The following CHRDL2 variants were observed in gnomAD, a reference collection of about 807,000 sequenced individuals.
The protein encoded by CHRDL2 is chordin-like protein 2.
CHRDL2 carries 41 observed loss-of-function variants against 54.3 expected under a neutral mutation model. That is an observed-to-expected ratio of 0.76 (90% confidence interval 0.59 to 0.98). The LOEUF is 0.98. CHRDL2 is among the 50% of genes least tolerant of loss of function. CHRDL2 has a pLI of 0.00. For missense variants in CHRDL2, 518 were observed against 562.4 expected (o/e 0.92, Z 0.80); for synonymous variants, 220 against 224.3 (o/e 0.98, Z 0.17).
rs913683733 is a variant in CHRDL2, at chr11:74,706,411, G to C, written c.582+76C>G. The C allele has an allele frequency of 4.9e-6, 7 of 1,421,654 alleles. No homozygotes were observed. The African/African-American group carries it at 7.1e-5, about 14-fold the overall frequency. The allele number at this position is 1,421,654 out of a possible 1,614,324, so 88.1% of individuals were successfully genotyped here. On this transcript the variant is annotated intron_variant, in intron 6 of 10. Transcript: ENST00000376332. Reference sequence around the variant, plus strand: ...ATGAGGACAATAACTGGTATTGCCTGCCCCAGAGTCACGAGATTTAGGCCC... The same window carrying C: ...ATGAGGACAATAACTGGTATTGCCTCCCCCAGAGTCACGAGATTTAGGCCC...
chr11:74,711,446 T>C (rs1020493383), intron 3 of CHRDL2, among the ~76,000 whole-genome samples: 9 of 152,174 alleles, frequency 5.9e-5, no homozygotes, highest in East Asian at 1.9e-4. Flanking sequence ...GCTGGCATGA[T>C]TGTCCCTGTG....
At chr11:74,702,085 C>T (rs947809959) in intron 9 of CHRDL2, among the ~76,000 whole-genome samples, 2 of 151,868 alleles carry the variant, frequency 1.3e-5, no homozygotes, top group Admixed American at 1.3e-4. Context: ...AAAACCCCAT[C>T]TCTACAAAAA....
intron 1 of CHRDL2, among the ~76,000 whole-genome samples, chr11:74,724,996 ATTC>A (rs1044703285): frequency 6.7e-6 from 1 of 149,708 alleles, no homozygotes; most frequent in African/African-American, 2.5e-5. Context: ...AGCTTCTTTC[ATTC>A]TTTTTTTTTT....
At position 74,730,817 on chromosome 11, in the gene CHRDL2, G is replaced by A. The variant is rs780739395; in HGVS notation, c.72C>T (p.His24=). ...LALLWFPLDS[H]ARARPDMFCL... ...TCCCGGTCTACTTACGGGCTCGAGC[G>A]TGGGAGTCCAGGGGGAACCAGAGCA... Residue 24 remains histidine, a synonymous_variant, in exon 1 of 11, where the codon CAC becomes CAT. Coordinates refer to ENST00000376332, the MANE Select transcript of CHRDL2 (RefSeq NM_001278473.3). 1.9e-6 allele frequency: 3 copies of A among 1,611,624 alleles called. No individual in the cohort carries two copies. Among genetic ancestry groups the A allele is most frequent in the Non-Finnish European group, 2.5e-6 (3 of 1,179,276 alleles).
At chr11:74,703,090 C>T in intron 8 of CHRDL2, 123 bp from the exon 9 acceptor site, 4 of 1,101,222 alleles carry the variant, frequency 3.6e-6, no homozygotes, top group South Asian at 3.1e-5. Flanking sequence ...ATGTTAACAA[C>T]CTCTGAATCT....
chr11:74,710,044 G>A (rs2034134877), intron 4 of CHRDL2, among the ~76,000 whole-genome samples: 1 of 151,946 alleles, frequency 6.6e-6, no homozygotes, highest in Non-Finnish European at 1.5e-5. Context: ...GTGAAACCCC[G>A]ACTCTACTAA....
chr11:74,709,912 C>G (rs2034130151), intron 4 of CHRDL2, among the ~76,000 whole-genome samples: 1 of 152,100 alleles, frequency 6.6e-6, no homozygotes, highest in African/African-American at 2.4e-5. Context: ...GTTGCCAAGC[C>G]CAGGGTTAAA....
intron 9 of CHRDL2, among the ~76,000 whole-genome samples, chr11:74,700,622 T>TA (rs374549879): frequency 0.11 from 15,977 of 139,962 alleles, 1,109 homozygotes; most frequent in Middle Eastern, 0.2. Flanking sequence ...GAATCTTTTT[T>TA]TTATTATTAT....
At chr11:74,728,560 G>A (rs2034606055) in intron 1 of CHRDL2, among the ~76,000 whole-genome samples, 2 of 135,124 alleles carry the variant, frequency 1.5e-5, no homozygotes, top group Non-Finnish European at 3.3e-5. Flanking sequence ...TTTTTTAAGA[G>A]ATGAGGTCTC....
chr11:74,703,290 A>G lies in CHRDL2; in HGVS notation c.946+15T>C. ...TCTGGCCAGCGCCCTCCTTGCTCCCAGTGCCCCTGTGTACCTGGGCAAATC... is the reference window on the plus strand; with the variant it reads ...TCTGGCCAGCGCCCTCCTTGCTCCCGGTGCCCCTGTGTACCTGGGCAAATC... On this transcript the variant is annotated intron_variant, in intron 8 of 10. Transcript: ENST00000376332. The G allele has an allele frequency of 6.3e-7, 1 of 1,579,936 alleles. No individual in the cohort carries two copies. The highest frequency in any genetic ancestry group is 8.6e-7 in the Non-Finnish European group (1 of 1,160,246).
intron 1 of CHRDL2, among the ~76,000 whole-genome samples, chr11:74,726,883 GGGATGCGACTAAGCT>G (rs1232886622): frequency 6.6e-6 from 1 of 152,198 alleles, no homozygotes; most frequent in African/African-American, 2.4e-5. Flanking sequence ...CAGGTAGATG[GGGATGCGACTAAGCT>G]GGACAGACAA....
intron 1 of CHRDL2, among the ~76,000 whole-genome samples, chr11:74,727,472 A>G (rs1296992525): frequency 6.6e-6 from 1 of 152,166 alleles, no homozygotes; most frequent in Admixed American, 6.6e-5. Flanking sequence ...TGGTGCAATC[A>G]CAGCTCACTG....
At chr11:74,722,105 G>GT (rs1230520580) in intron 1 of CHRDL2, among the ~76,000 whole-genome samples, 2 of 152,154 alleles carry the variant, frequency 1.3e-5, no homozygotes, top group African/African-American at 4.8e-5. Context: ...AGTAGGACCA[G>GT]TCCTGAGTGA....
intron 6 of CHRDL2, among the ~76,000 whole-genome samples, chr11:74,705,148 G>T (rs2033967743): frequency 6.6e-6 from 1 of 152,158 alleles, no homozygotes; most frequent in Non-Finnish European, 1.5e-5. Flanking sequence ...CCAAGAGCAG[G>T]CCCCATCCAG....
At chr11:74,714,412 T>C (rs1161653078) in intron 2 of CHRDL2, among the ~76,000 whole-genome samples, 1 of 152,228 alleles carries the variant, frequency 6.6e-6, no homozygotes, top group Non-Finnish European at 1.5e-5. Context: ...ATTCTGAAGT[T>C]GGCGAAGTTT....
Position 74,731,034 on chromosome 11 carries a change from C to T in CHRDL2, c.-146G>A, listed in dbSNP as rs746252142. 63 of 629,196 alleles carry T rather than the reference C, an allele frequency of 1.0e-4. No homozygotes were observed. Among genetic ancestry groups the T allele is most frequent in the Admixed American group, 2.5e-4 (9 of 35,522 alleles). 39.0% of individuals were successfully genotyped at this position (629,196 alleles called of 1,614,324 possible). A position where few individuals can be genotyped will look rare whatever the true frequency, so the allele number is the denominator to read the frequency against. ...GCGGGGTCGGAGAAGGGCCAGGAAG[C>T]AGCGGTGGGCAGGAAAGGAGGGCAG... is the stretch of plus-strand genomic sequence containing the variant. On this transcript the variant is annotated 5_prime_UTR_variant, in exon 1 of 11. Coordinates refer to ENST00000376332, the MANE Select transcript of CHRDL2 (RefSeq NM_001278473.3). The surrounding 1 kb of genome is among the most constrained non-coding windows in gnomAD (Gnocchi z 4.4).
intron 9 of CHRDL2, 163 bp from the exon 10 acceptor site, chr11:74,697,460 T>A: frequency 1.6e-6 from 1 of 622,650 alleles, no homozygotes; most frequent in Non-Finnish European, 2.9e-6. Context: ...ATATTTTGAA[T>A]CCATTCTCCT....
At chr11:74,704,410 G>A in intron 7 of CHRDL2, 76 bp downstream of exon 7, 1 of 1,423,296 alleles carries the variant, frequency 7.0e-7, no homozygotes, top group East Asian at 2.4e-5. Context: ...GGGTTCAGGG[G>A]GTTGGGGGTG....
At chr11:74,709,757 G>A (rs1247701071) in intron 4 of CHRDL2, among the ~76,000 whole-genome samples, 1 of 152,184 alleles carries the variant, frequency 6.6e-6, no homozygotes, top group Non-Finnish European at 1.5e-5. Context: ...ATCAAACACA[G>A]GTTTCTGATA....
Sources: gnomAD v4.1 joint callset for allele counts (sites outside exome capture counted in the v4.1 genomes callset) on GRCh38, gnomAD v4.1.1 for gene constraint, Gnocchi (gnomAD v3.1) non-coding constraint, MANE v1.5 for transcripts, NCBI Gene and HGNC (gene_info 2026-07-23, HGNC 2026-07-21) for gene names.